HSPA2: variants seen among roughly 807,000 people sequenced by gnomAD.
HSPA2 encodes the protein heat shock-related 70 kDa protein 2.
A neutral mutation model predicts 35.0 loss-of-function variants in HSPA2; 13 were observed. That is an observed-to-expected ratio of 0.37 (90% CI 0.24 to 0.59). HSPA2 has a LOEUF of 0.59. Ranked by LOEUF, HSPA2 falls within the 20% of genes least tolerant of loss-of-function variation. HSPA2 has a pLI of 0.70. For missense variants in HSPA2, 565 were observed against 885.4 expected (o/e 0.64, Z 4.59); for synonymous variants, 368 against 382.1 (o/e 0.96, Z 0.43).
At chr14:64,538,163 G>C (rs2079993831), upstream of HSPA2, among the ~76,000 whole-genome samples, 1 of 152,110 alleles carries the variant, frequency 6.6e-6, no homozygotes. Context: ...TTAAAAACTG[G>C]AAATGATATA....
chr14:64,536,826 G>C (rs914469797), upstream of HSPA2, among the ~76,000 whole-genome samples: 1 of 152,114 alleles, frequency 6.6e-6, no homozygotes, highest in Non-Finnish European at 1.5e-5. Context: ...TTAAACTATG[G>C]AACATACAAA....
In HSPA2 at chr14:64,542,893, A is replaced by G; in HGVS notation, c.*124A>G. On this transcript the variant is annotated 3_prime_UTR_variant, in exon 1 of 1. Transcript: ENST00000247207. The surrounding 1 kb of genome is among the most constrained non-coding windows in gnomAD (Gnocchi z 5.7). ...TTGTTGGAAGTCTTTGGTATATGCA[A>G]ATGAAAGGAGAGGTGCAACAACTTA... 7.2e-7 allele frequency: 1 copy of G among 1,390,380 alleles called. No homozygotes were observed. Among genetic ancestry groups the G allele is most frequent in the South Asian group, 1.5e-5 (1 of 65,230 alleles). 86.1% of individuals were successfully genotyped at this position (1,390,380 alleles called of 1,614,324 possible). A position where few individuals can be genotyped will look rare whatever the true frequency, so the allele number is the denominator to read the frequency against.
chr14:64,542,169 C>A lies in HSPA2; in HGVS notation c.1320C>A (p.Ser440Arg). 1 of 1,613,830 alleles carries A rather than the reference C, an allele frequency of 6.2e-7. No individual in the cohort carries two copies. Among genetic ancestry groups the A allele is most frequent in the Non-Finnish European group, 8.5e-7 (1 of 1,180,022 alleles). Residue 440 changes from serine to arginine, a missense_variant, in exon 1 of 1, where the codon AGC (serine) becomes AGA (arginine). This residue lies in a region of HSPA2 where 234 missense variants were observed against 419.0 expected (regional missense o/e 0.56). Transcript: ENST00000247207. The surrounding 1 kb of genome is among the most constrained non-coding windows in gnomAD (Gnocchi z 5.7). ...TFTTYSDNQSSVLVQVYEGER... is the reference protein window; with the variant it reads ...TFTTYSDNQSRVLVQVYEGER... ...CCACCTACTCGGACAACCAGAGCAGCGTACTGGTGCAGGTATACGAGGGCG... is the reference window on the plus strand; with the variant it reads ...CCACCTACTCGGACAACCAGAGCAGAGTACTGGTGCAGGTATACGAGGGCG...
In HSPA2 at chr14:64,540,865, C is replaced by T; in HGVS notation, c.16C>T (p.Pro6Ser). Reference sequence around the variant, plus strand: ...TTCAGTCAGGATGTCTGCCCGTGGCCCGGCTATCGGCATCGACCTGGGCAC... The same window carrying T: ...TTCAGTCAGGATGTCTGCCCGTGGCTCGGCTATCGGCATCGACCTGGGCAC... MSARG[P>S]AIGIDLGTTY... Residue 6 changes from proline to serine, a missense_variant, in exon 1 of 1, where the codon CCG becomes TCG. Coordinates refer to ENST00000247207, the MANE Select transcript of HSPA2 (RefSeq NM_021979.4). 1 of 1,614,076 alleles carries T rather than the reference C, an allele frequency of 6.2e-7. No homozygotes were observed. Among genetic ancestry groups the T allele is most frequent in the Non-Finnish European group, 8.5e-7 (1 of 1,180,002 alleles).
Position 64,541,235 on chromosome 14 carries a change from A to C in HSPA2, c.386A>C (p.Lys129Thr). 1 of 1,614,116 alleles carries C rather than the reference A, an allele frequency of 6.2e-7. No individual in the cohort carries two copies. Among genetic ancestry groups the C allele is most frequent in the Non-Finnish European group, 8.5e-7 (1 of 1,180,028 alleles). ...TCCTCCATGGTCCTCACGAAGATGAAGGAGATCGCGGAAGCCTACCTGGGG... is the reference window on the plus strand; with the variant it reads ...TCCTCCATGGTCCTCACGAAGATGACGGAGATCGCGGAAGCCTACCTGGGG... ...EISSMVLTKM[K>T]EIAEAYLGGK... Residue 129 changes from lysine (K) to threonine (T), a missense_variant, in exon 1 of 1, where the codon AAG becomes ACG. By Grantham distance (78) the Lys-to-Thr change is moderately conservative (BLOSUM62 -1). Transcript: ENST00000247207.
chr14:64,540,408 A>C, upstream of HSPA2: 2 of 219,306 alleles, frequency 9.1e-6, no homozygotes, highest in South Asian at 6.3e-5. Flanking sequence ...CACGTCGGCT[A>C]GGGCAAAGAC....
rs748197495 is a variant in HSPA2, at chr14:64,541,528, G to A, written c.679G>A (p.Gly227Ser). ...CATCTTCGAGGTGAAGTCCACGGCC[G>A]GCGACACCCACCTGGGCGGTGAGGA... ...DGIFEVKSTA[G>S]DTHLGGEDFD... The change falls in exon 1 of 1, where the codon GGC becomes AGC. Residue 227 changes from glycine (G) to serine (S), a missense_variant. By Grantham distance (56) the Gly-to-Ser change is moderately conservative. Coordinates refer to ENST00000247207, the MANE Select transcript of HSPA2 (RefSeq NM_021979.4). 1 of 1,609,074 alleles carries A rather than the reference G, an allele frequency of 6.2e-7. No homozygotes were observed. The highest frequency in any genetic ancestry group is 1.1e-5 in the South Asian group (1 of 90,908).
upstream of HSPA2, among the ~76,000 whole-genome samples, chr14:64,539,056 G>T (rs770382018): frequency 4.6e-5 from 7 of 152,110 alleles, no homozygotes; most frequent in Non-Finnish European, 1.0e-4. Context: ...TCCACCTACC[G>T]CGGCCTTTCA....
At chr14:64,536,887 T>C (rs539135769), upstream of HSPA2, among the ~76,000 whole-genome samples, 34 of 152,338 alleles carry the variant, frequency 2.2e-4, no homozygotes, top group Middle Eastern at 3.4e-3. Context: ...AATGTGGGTA[T>C]AATTGCTACT....
chr14:64,540,406 CT>C (rs1194323664), upstream of HSPA2: 1 of 222,880 alleles, frequency 4.5e-6, no homozygotes, highest in South Asian at 6.1e-5. Context: ...TGCACGTCGG[CT>C]AGGGCAAAGA....
chr14:64,539,566 A>T (rs913743654), upstream of HSPA2, among the ~76,000 whole-genome samples: 3 of 145,694 alleles, frequency 2.1e-5, no homozygotes. Context: ...GGCTCCTCGG[A>T]GGACAAGTCG....
upstream of HSPA2, chr14:64,535,941 C>G (rs2079978509): frequency 6.5e-6 from 1 of 154,264 alleles, no homozygotes; most frequent in Admixed American, 6.5e-5. Context: ...TCGCCTTCTG[C>G]CGTGATTGTG....
In HSPA2 at chr14:64,542,791, A is replaced by C. The variant is rs372613655; in HGVS notation, c.*22A>C. Reference sequence around the variant, plus strand: ...CTAAGCTTGCACTCAAGTCAGCGTAAACCTCTTTGCCTTTCTCTCTCTCTC... The same window carrying C: ...CTAAGCTTGCACTCAAGTCAGCGTACACCTCTTTGCCTTTCTCTCTCTCTC... On this transcript the variant is annotated 3_prime_UTR_variant, in exon 1 of 1. Coordinates refer to ENST00000247207, the MANE Select transcript of HSPA2 (RefSeq NM_021979.4). The surrounding 1 kb of genome is among the most constrained non-coding windows in gnomAD (Gnocchi z 5.7). 1.6e-3 allele frequency: 2,549 copies of C among 1,562,344 alleles called. 5 individuals carry two copies. The highest frequency in any genetic ancestry group is 2.0e-3 in the Non-Finnish European group (2,269 of 1,156,786).
At chr14:64,539,877 T>A (rs2140202494), upstream of HSPA2, among the ~76,000 whole-genome samples, 1 of 152,278 alleles carries the variant, frequency 6.6e-6, no homozygotes, top group South Asian at 2.1e-4. Flanking sequence ...AGACGGGCTT[T>A]CACCATGTTG....
upstream of HSPA2, among the ~76,000 whole-genome samples, chr14:64,538,748 G>A (rs184634122): frequency 2.0e-4 from 30 of 152,342 alleles, no homozygotes; most frequent in Non-Finnish European, 3.5e-4. Context: ...CCACGTAGTA[G>A]GTACCTGTTC....
At position 64,542,703 on chromosome 14, in the gene HSPA2, T is replaced by TGGCGGC; in HGVS notation, c.1858_1863dup (p.Gly620_Gly621dup). On this transcript the variant is annotated inframe_insertion, in exon 1 of 1. Coordinates refer to ENST00000247207, the MANE Select transcript of HSPA2 (RefSeq NM_021979.4). This position sits in a 1 kb window ranked among gnomAD's most constrained non-coding sequence, Gnocchi z 5.7. ...TCAGCAAACTTTACCAAGGTGGTCC[T>TGGCGGC]GGCGGCGGCAGCGGCGGCGGCGGTT... 8.1e-6 allele frequency: 13 copies of TGGCGGC among 1,614,034 alleles called. No homozygotes were observed. The highest frequency in any genetic ancestry group is 1.1e-5 in the South Asian group (1 of 91,076).
chr14:64,538,861 G>A (rs2080000323), upstream of HSPA2, among the ~76,000 whole-genome samples: 1 of 152,092 alleles, frequency 6.6e-6, no homozygotes, highest in Non-Finnish European at 1.5e-5. Context: ...TTTTTGAGAC[G>A]GAGTCTCGTT....
chr14:64,540,622 C>G, upstream of HSPA2: 1 of 646,462 alleles, frequency 1.5e-6, no homozygotes, highest in Non-Finnish European at 2.6e-6. Flanking sequence ...GCCAGTCACT[C>G]CGACCTAGGC....
chr14:64,541,875 C>T lies in HSPA2; in HGVS notation c.1026C>T (p.Gly342=). The change falls in exon 1 of 1, where the codon GGC becomes GGT. Residue 342 remains glycine, a synonymous_variant. Coordinates refer to ENST00000247207, the MANE Select transcript of HSPA2 (RefSeq NM_021979.4). ...TCCAGGAGATCGTGCTGGTGGGCGGCTCCACTCGTATCCCCAAGATCCAGA... is the reference window on the plus strand; with the variant it reads ...TCCAGGAGATCGTGCTGGTGGGCGGTTCCACTCGTATCCCCAAGATCCAGA... The part of the protein sequence containing the change: ...GQIQEIVLVG[G]STRIPKIQKL... The T allele has an allele frequency of 6.2e-7, 1 of 1,613,610 alleles. No individual in the cohort carries two copies. The highest frequency in any genetic ancestry group is 8.5e-7 in the Non-Finnish European group (1 of 1,180,044).
Sources: allele counts gnomAD v4.1 joint callset (sites outside exome capture counted in the v4.1 genomes callset), GRCh38; gene constraint gnomAD v4.1.1; regional missense constraint gnomAD v4.1.1; non-coding constraint Gnocchi (gnomAD v3.1); transcripts MANE v1.5; gene names NCBI Gene and HGNC (gene_info 2026-07-23, HGNC 2026-07-21).